Variants in UGT2A2 observed in about 807,000 individuals in gnomAD.
UGT2A2 encodes the protein UDP glucuronosyltransferase family 2 member A2, also known as UDP-glucuronosyltransferase 2A2.
Under a neutral mutation model 50.7 loss-of-function variants are expected in UGT2A2, and 60 were observed. The observed-to-expected ratio is 1.18, with a 90% CI of 0.96 to 1.47. UGT2A2 has a LOEUF of 1.47. Among genes scored for constraint, UGT2A2 ranks in the 40% most tolerant of loss-of-function variants. The probability of loss-of-function intolerance (pLI) is 0.00; values close to 1 mark genes in which losing one functional copy is unlikely to be tolerated. For synonymous variants in UGT2A2, 242 were observed against 214.6 expected (o/e 1.13, Z -1.11); for missense variants, 762 against 634.0 (o/e 1.20, Z -2.17).
intron 1 of UGT2A2, among the ~76,000 whole-genome samples, chr4:69,609,106 G>T (rs1719869185): frequency 6.6e-6 from 1 of 150,716 alleles, no homozygotes; most frequent in African/African-American, 2.4e-5. Flanking sequence ...ACTGTAGGAA[G>T]ATATCTGCAA....
rs544364003 is a variant in UGT2A2, at chr4:69,595,727, A to C, written c.1024-478T>G. Among the ~76,000 whole-genome samples, 49 of 152,334 alleles carry C rather than the reference A, an allele frequency of 3.2e-4. 1 individual carries two copies. In the South Asian group the frequency reaches 0.01, roughly 32 times the overall value. ...AAATTGCATGTTGTTGGACTATAAT[A>C]TTTGAATTTTAATTGTTTTTAGCTA... On this transcript the variant is annotated intron_variant, in intron 3 of 5. Coordinates refer to ENST00000604629, the MANE Select transcript of UGT2A2 (RefSeq NM_001105677.2).
intron 1 of UGT2A2, among the ~76,000 whole-genome samples, chr4:69,610,661 C>G (rs987750733): frequency 1.3e-5 from 2 of 152,086 alleles, no homozygotes; most frequent in Admixed American, 1.3e-4. Context: ...GTCTCTAATC[C>G]ATTATGACTA....
intron 1 of UGT2A2, among the ~76,000 whole-genome samples, chr4:69,621,115 G>A (rs554148133): frequency 3.3e-5 from 5 of 151,766 alleles, no homozygotes; most frequent in East Asian, 1.9e-4. Context: ...CAAAGATGCC[G>A]AAAGCAATCA....
At chr4:69,638,815 A>G (rs1024190702) in intron 1 of UGT2A2, 84 bp downstream of exon 1, 4 of 1,427,366 alleles carry the variant, frequency 2.8e-6, no homozygotes, top group Non-Finnish European at 3.7e-6. Flanking sequence ...CAGCATATGC[A>G]GTGGAATGGA....
At chr4:69,591,972 C>T (rs2163658) in intron 5 of UGT2A2, among the ~76,000 whole-genome samples, 60,319 of 151,868 alleles carry the variant, frequency 0.4, 12,227 homozygotes, top group East Asian at 0.56. Flanking sequence ...ACAACATGTA[C>T]GTATTAATAA....
chr4:69,626,750 T>C (rs544579498), intron 1 of UGT2A2, among the ~76,000 whole-genome samples: 18 of 152,026 alleles, frequency 1.2e-4, no homozygotes, highest in African/African-American at 4.3e-4. Context: ...TGCTTGTTCA[T>C]TGAACTGTTT....
At chr4:69,638,577 G>A (rs999665987) in intron 1 of UGT2A2, among the ~76,000 whole-genome samples, 2 of 151,982 alleles carry the variant, frequency 1.3e-5, no homozygotes, top group African/African-American at 4.8e-5. Flanking sequence ...TATTTGCCAG[G>A]GTATTTTTCA....
At position 69,595,887 on chromosome 4, in the gene UGT2A2, C is replaced by A. The variant is rs532998628; in HGVS notation, c.1023+363G>T. On this transcript the variant is annotated intron_variant, in intron 3 of 5. Coordinates refer to ENST00000604629, the MANE Select transcript of UGT2A2 (RefSeq NM_001105677.2). The stretch of plus-strand genomic sequence containing the variant: ...ATAATTTCTCCCTGCTTTGTGTTTA[C>A]ACTCTCTTTTCCTGGACCATGGAGC... Among the ~76,000 whole-genome samples, 4 of 152,270 alleles carry A rather than the reference C, an allele frequency of 2.6e-5. No individual in the cohort carries two copies. The East Asian group carries it at 7.7e-4, about 29-fold the overall frequency.
rs569186714 is a variant in UGT2A2, at chr4:69,602,771, T to C, written c.743-3377A>G. Among the ~76,000 whole-genome samples the C allele has an allele frequency of 5.1e-5, 7 of 137,566 alleles. 1 individual carries two copies. The South Asian group carries it at 1.7e-3, about 32-fold the overall frequency. The allele number at this position is 137,566 out of a possible 152,430, so 90.2% of individuals were successfully genotyped here. A position where few individuals can be genotyped will look rare whatever the true frequency, so the allele number is the denominator to read the frequency against. On this transcript the variant is annotated intron_variant, in intron 1 of 5. Coordinates refer to ENST00000604629, the MANE Select transcript of UGT2A2 (RefSeq NM_001105677.2). ...TAGAAAAGTAAATAGAGCTAACTTG[T>C]TCACAGATAAGAAGATCAAAATTCA... is the stretch of plus-strand genomic sequence containing the variant.
At chr4:69,621,632 C>A (rs1408237564) in intron 1 of UGT2A2, among the ~76,000 whole-genome samples, 1 of 151,762 alleles carries the variant, frequency 6.6e-6, no homozygotes, top group African/African-American at 2.4e-5. Flanking sequence ...ACCATTAAAC[C>A]CAGCAATCCC....
chr4:69,637,046 G>A (rs912588054), intron 1 of UGT2A2, among the ~76,000 whole-genome samples: 1 of 152,018 alleles, frequency 6.6e-6, no homozygotes, highest in Non-Finnish European at 1.5e-5. Flanking sequence ...ACATAGCTGG[G>A]TAGTTACAAT....
intron 1 of UGT2A2, among the ~76,000 whole-genome samples, chr4:69,632,375 A>G (rs181439529): frequency 6.6e-6 from 1 of 152,264 alleles, no homozygotes; most frequent in Admixed American, 6.5e-5. Context: ...TTTAGTTTAC[A>G]CACAGCACCT....
intron 1 of UGT2A2, among the ~76,000 whole-genome samples, chr4:69,602,134 A>G (rs1282998464): frequency 7.3e-6 from 1 of 136,704 alleles, no homozygotes; most frequent in Non-Finnish European, 1.6e-5. Context: ...TAGTAATGAA[A>G]TGATAGCTTA....
At chr4:69,637,423 G>C (rs985989265) in intron 1 of UGT2A2, among the ~76,000 whole-genome samples, 1 of 152,088 alleles carries the variant, frequency 6.6e-6, no homozygotes, top group Admixed American at 6.6e-5. Context: ...CTTGTGAAAG[G>C]TAAGAGTAAG....
chr4:69,596,008 C>T (rs1029821082), intron 3 of UGT2A2, among the ~76,000 whole-genome samples: 1 of 152,096 alleles, frequency 6.6e-6, no homozygotes, highest in African/African-American at 2.4e-5. Flanking sequence ...ATTTCTATTC[C>T]ATTAAAAATA....
At position 69,602,514 on chromosome 4, in the gene UGT2A2, CAT is replaced by C. The variant is rs1336302092; in HGVS notation, c.743-3122_743-3121del. 4.4e-5 allele frequency among the ~76,000 whole-genome samples: 6 copies of C among 136,034 alleles called. 1 individual carries two copies. The highest frequency in any genetic ancestry group is 9.4e-5 in the Non-Finnish European group (6 of 64,096). The allele number at this position is 136,034 out of a possible 152,430, so 89.2% of individuals were successfully genotyped here. A position where few individuals can be genotyped will look rare whatever the true frequency, so the allele number is the denominator to read the frequency against. On this transcript the variant is annotated intron_variant, in intron 1 of 5. Transcript: ENST00000604629. ...ATCTATCTATCTATCTATCTGATATCATGTTATGTAACAAATCCAAAACAATA... is the reference window on the plus strand; with the variant it reads ...ATCTATCTATCTATCTATCTGATATCGTTATGTAACAAATCCAAAACAATA...
rs764080705 is a variant in UGT2A2, at chr4:69,596,225, T to TA, written c.1023+24dup. 2.0e-6 allele frequency: 3 copies of TA among 1,488,856 alleles called. No individual in the cohort carries two copies. The South Asian group carries it at 4.3e-5, about 21-fold the overall frequency. 92.2% of individuals were successfully genotyped at this position (1,488,856 alleles called of 1,614,324 possible). On this transcript the variant is annotated intron_variant, in intron 3 of 5. Transcript: ENST00000604629. ...TCTCTCCCATTAGTAAAAAGCTGTG[T>TA]ACCAGGATTCCAGGCTGTACTGACC...
intron 5 of UGT2A2, among the ~76,000 whole-genome samples, chr4:69,593,384 A>T (rs944196665): frequency 6.6e-6 from 1 of 152,042 alleles, no homozygotes; most frequent in Non-Finnish European, 1.5e-5. Context: ...TGAAATAGAG[A>T]TACATTTCAA....
chr4:69,589,284 T>C lies in UGT2A2; in HGVS notation c.*88A>G. The C allele has an allele frequency of 7.1e-7, 1 of 1,404,438 alleles. No individual in the cohort carries two copies. The highest frequency in any genetic ancestry group is 9.3e-7 in the Non-Finnish European group (1 of 1,070,082). The allele number at this position is 1,404,438 out of a possible 1,614,324, so 87.0% of individuals were successfully genotyped here. ...AACAGGATGGGAGACGTGTTTTTGT[T>C]AAACTCCTTTTGTCTGGAATTAATA... On this transcript the variant is annotated 3_prime_UTR_variant, in exon 6 of 6. Transcript: ENST00000604629.
Sources: allele counts gnomAD v4.1 joint callset (sites outside exome capture counted in the v4.1 genomes callset), GRCh38; gene constraint gnomAD v4.1.1; transcripts MANE v1.5; gene names NCBI Gene and HGNC (gene_info 2026-07-23, HGNC 2026-07-21).